PHF12: variants seen among roughly 807,000 people sequenced by gnomAD.
The protein encoded by PHF12 is PHD factor 1.
A neutral mutation model predicts 99.8 loss-of-function variants in PHF12; 6 were observed. The ratio of observed to expected loss-of-function variants is 0.06; its 90% CI spans 0.03 to 0.12. The LOEUF is 0.12. Among genes scored for constraint, PHF12 ranks in the 10% least tolerant of loss-of-function variants. The probability of loss-of-function intolerance (pLI) is 1.00; values close to 1 mark genes in which losing one functional copy is unlikely to be tolerated. For missense variants in PHF12, 954 were observed against 1,300.1 expected, an observed-to-expected ratio of 0.73 and a Z score of 4.09; for synonymous variants, 480 against 514.9, an observed-to-expected ratio of 0.93 and a Z score of 0.92.
Position 28,906,031 on chromosome 17 carries a change from A to C in PHF12, c.*152T>G. 1 of 766,372 alleles carries C rather than the reference A, an allele frequency of 1.3e-6. No homozygotes were observed. Among genetic ancestry groups the C allele is most frequent in the South Asian group, 2.3e-5 (1 of 42,730 alleles). 47.5% of individuals were successfully genotyped at this position (766,372 alleles called of 1,614,324 possible). A position where few individuals can be genotyped will look rare whatever the true frequency, so the allele number is the denominator to read the frequency against. ...AGAAAAGAAAAAGGATTTTTAAAAAACAGTCAAAAGGTTTTCTTCATTTCA... is the reference window on the plus strand; with the variant it reads ...AGAAAAGAAAAAGGATTTTTAAAAACCAGTCAAAAGGTTTTCTTCATTTCA... On this transcript the variant is annotated 3_prime_UTR_variant, in exon 15 of 15. Transcript: ENST00000332830. This position sits in a 1 kb window ranked among gnomAD's most constrained non-coding sequence, Gnocchi z 4.2.
intron 2 of PHF12, among the ~76,000 whole-genome samples, chr17:28,936,017 T>C (rs1038571773): frequency 6.6e-6 from 1 of 152,212 alleles, no homozygotes; most frequent in Non-Finnish European, 1.5e-5. Flanking sequence ...AGTTCAGTTT[T>C]AATTTAGAAT....
chr17:28,912,279 T>C (rs913731882), intron 9 of PHF12: 3 of 1,349,528 alleles, frequency 2.2e-6, no homozygotes, highest in Non-Finnish European at 1.9e-6. Context: ...TCACTGAAGC[T>C]TTCAGAGCCT....
At chr17:28,921,588 G>T in intron 5 of PHF12, 100 bp downstream of exon 5, 3 of 1,420,060 alleles carry the variant, frequency 2.1e-6, no homozygotes, top group Non-Finnish European at 2.0e-6. Flanking sequence ...CAGAATATGG[G>T]CTGTTCACAT....
rs748488864 is a variant in PHF12, at chr17:28,924,002, G to T, written c.622C>A (p.Arg208=). Residue 208 remains arginine, a synonymous_variant, in exon 4 of 15, where the codon CGG becomes AGG. Transcript: ENST00000332830. ...GCAGCAATCAGCAGCTCAAAGGGCC[G>T]CCTCAGCTGGGGCTGCACATAGTCT... is the stretch of plus-strand genomic sequence containing the variant. ...EPDYVQPQLR[R]PFELLIAAAM... 3 of 1,614,126 alleles carry T rather than the reference G, an allele frequency of 1.9e-6. No homozygotes were observed. In the Admixed American group the frequency reaches 5.0e-5, roughly 27 times the overall value.
chr17:28,924,513 C>G lies in PHF12; in HGVS notation c.322-211G>C. On this transcript the variant is annotated intron_variant, in intron 3 of 14. Coordinates refer to ENST00000332830, the MANE Select transcript of PHF12 (RefSeq NM_001033561.2). ...ACAAAACTGTTGCATCAGAGAATCA[C>G]CAAAAAGCATGGTAAGTTAGGAATA... The G allele has an allele frequency of 4.8e-6, 3 of 630,214 alleles. No individual in the cohort carries two copies. The South Asian group carries it at 5.9e-5, about 12-fold the overall frequency. The allele number at this position is 630,214 out of a possible 1,614,324, so 39.0% of individuals were successfully genotyped here.
intron 2 of PHF12, among the ~76,000 whole-genome samples, chr17:28,947,274 C>G (rs962013909): frequency 6.6e-6 from 1 of 152,214 alleles, no homozygotes; most frequent in African/African-American, 2.4e-5. Flanking sequence ...AGCCACAGCA[C>G]CCGGCTGGGA....
At chr17:28,910,939 C>T (rs1211149515) in intron 10 of PHF12, 173 bp downstream of exon 10, 1 of 858,474 alleles carries the variant, frequency 1.2e-6, no homozygotes, top group African/African-American at 1.7e-5. Flanking sequence ...ACAGAAGGAG[C>T]TTTCTTTTTC....
At chr17:28,942,669 AGCTGGGT>A (rs1240794382) in intron 2 of PHF12, among the ~76,000 whole-genome samples, 11 of 151,892 alleles carry the variant, frequency 7.2e-5, no homozygotes, top group African/African-American at 2.7e-4. Context: ...TACAAAAATT[AGCTGGGT>A]GTGGTGGCAG....
chr17:28,920,552 CTT>C (rs1378489153), intron 5 of PHF12, among the ~76,000 whole-genome samples: 6 of 152,352 alleles, frequency 3.9e-5, no homozygotes, highest in Admixed American at 2.6e-4. Context: ...TCCAACTCCT[CTT>C]GTTCTAGTGT....
intron 11 of PHF12, chr17:28,909,179 G>A (rs1013206774): frequency 1.4e-5 from 5 of 348,636 alleles, no homozygotes; most frequent in Non-Finnish European, 1.1e-5. Flanking sequence ...TATTCCAGCT[G>A]GTACTATAGG....
chr17:28,936,867 C>T (rs1025382922), intron 2 of PHF12, among the ~76,000 whole-genome samples: 1 of 151,942 alleles, frequency 6.6e-6, no homozygotes, highest in Non-Finnish European at 1.5e-5. Context: ...GTAAGACAAA[C>T]TGCAAAACAT....
At chr17:28,942,764 T>C (rs756632650) in intron 2 of PHF12, among the ~76,000 whole-genome samples, 69 of 151,958 alleles carry the variant, frequency 4.5e-4, no homozygotes, top group Non-Finnish European at 7.8e-4. Flanking sequence ...TGCAGTGAGC[T>C]GAGATCACAC....
In PHF12 at chr17:28,911,418, C is replaced by CG. The variant is rs748566400; in HGVS notation, c.2090-182dup. The CG allele has an allele frequency of 1.3e-4, 98 of 752,366 alleles. No individual in the cohort carries two copies. The African/African-American group carries it at 1.4e-3, about 10-fold the overall frequency. 46.6% of individuals were successfully genotyped at this position (752,366 alleles called of 1,614,324 possible). On this transcript the variant is annotated intron_variant, in intron 9 of 14. Coordinates refer to ENST00000332830, the MANE Select transcript of PHF12 (RefSeq NM_001033561.2). ...GTGTGGTGAGGAAGGGCAGATGGAA[C>CG]GACAAAGCACCCAGGCACGCAGGAG...
intron 5 of PHF12, among the ~76,000 whole-genome samples, chr17:28,920,762 C>T (rs939253791): frequency 7.2e-5 from 11 of 152,142 alleles, no homozygotes; most frequent in African/African-American, 2.7e-4. Flanking sequence ...GGAGTTTCAC[C>T]ATGTTGACCA....
intron 2 of PHF12, among the ~76,000 whole-genome samples, chr17:28,944,150 A>T (rs2040676417): frequency 6.6e-6 from 1 of 152,258 alleles, no homozygotes; most frequent in Non-Finnish European, 1.5e-5. Context: ...TCTATTAAAA[A>T]TACACAAGTC....
intron 2 of PHF12, chr17:28,928,309 T>G (rs760207560): frequency 1.3e-5 from 2 of 152,124 alleles, no homozygotes; most frequent in Non-Finnish European, 2.9e-5. Context: ...TAATAATGAG[T>G]TTCTGTACCA....
chr17:28,917,077 T>G (rs1598127380), intron 7 of PHF12, among the ~76,000 whole-genome samples: 1 of 152,314 alleles, frequency 6.6e-6, no homozygotes, highest in Admixed American at 6.5e-5. Flanking sequence ...ACTGGTAGAC[T>G]TCGAAGGCTA....
Position 28,905,256 on chromosome 17 carries a change from G to A in PHF12, c.*927C>T, listed in dbSNP as rs1192103070. ...ACAGACAGTCAGAAAACAATTTGAA[G>A]TATTTTTGTTTTTTATATACAGAAT... On this transcript the variant is annotated 3_prime_UTR_variant, in exon 15 of 15. Transcript: ENST00000332830. 1.3e-5 allele frequency: 2 copies of A among 152,548 alleles called. No individual in the cohort carries two copies. The highest frequency in any genetic ancestry group is 4.8e-5 in the African/African-American group (2 of 41,426). The allele number at this position is 152,548 out of a possible 1,614,324, so 9.4% of individuals were successfully genotyped here. A position where few individuals can be genotyped will look rare whatever the true frequency, so the allele number is the denominator to read the frequency against.
intron 2 of PHF12, among the ~76,000 whole-genome samples, chr17:28,936,902 C>A (rs556128121): frequency 6.6e-6 from 1 of 152,322 alleles, no homozygotes; most frequent in Admixed American, 6.5e-5. Context: ...AACTAGCCTA[C>A]TCTCCCTCAG....
Sources: gnomAD v4.1 joint callset for allele counts (sites outside exome capture counted in the v4.1 genomes callset) on GRCh38, gnomAD v4.1.1 for gene constraint, Gnocchi (gnomAD v3.1) non-coding constraint, MANE v1.5 for transcripts, NCBI Gene and HGNC (gene_info 2026-07-23, HGNC 2026-07-21) for gene names.